The following ARHGAP36 variants were observed in gnomAD, a reference collection of about 807,000 sequenced individuals.
ARHGAP36 encodes the protein rho GTPase-activating protein 36.
A neutral mutation model predicts 32.9 loss-of-function variants in ARHGAP36; 7 were observed. That is an observed-to-expected ratio of 0.21 (90% CI 0.12 to 0.40). The LOEUF (loss-of-function observed/expected upper bound fraction) is 0.40. Among genes scored for constraint, ARHGAP36 ranks in the 10% least tolerant of loss-of-function variants. The pLI, the probability that ARHGAP36 is intolerant of heterozygous loss-of-function variation, is 1.00. For missense variants in ARHGAP36, 383 were observed against 442.2 expected, an observed-to-expected ratio of 0.87 and a Z score of 1.20; for synonymous variants, 165 against 168.3, an observed-to-expected ratio of 0.98 and a Z score of 0.15.
At position 131,086,090 on chromosome X, in the gene ARHGAP36, G is replaced by A. The variant is rs1256179828; in HGVS notation, c.1281+1G>A. 8.3e-7 allele frequency: 1 copy of A among 1,209,674 alleles called. No homozygotes were observed. On this transcript the variant is annotated splice_donor_variant, in intron 9 of 11. Transcript: ENST00000276211. LOFTEE classifies it high-confidence loss of function. ...TGATAACTGGGATGTCCTCTTCCAG[G>A]TAGGTGCAAGTTTTGGATGCACTTG...
intron 1 of ARHGAP36, among the ~76,000 whole-genome samples, chrX:131,079,808 C>T (rs1296293793): frequency 9.0e-6 from 1 of 111,336 alleles, no homozygotes; most frequent in Non-Finnish European, 1.9e-5. Flanking sequence ...TCTTCTCTAT[C>T]AGGAACCAGC....
chrX:131,066,577 T>C (rs1267820679), intron 1 of ARHGAP36, among the ~76,000 whole-genome samples: 1 of 112,001 alleles, frequency 8.9e-6, no homozygotes, highest in Non-Finnish European at 1.9e-5. Context: ...TGATGAGTAC[T>C]CTTGGTGCTG....
At chrX:131,083,353 C>A in intron 3 of ARHGAP36, 123 bp downstream of exon 3, 1 of 697,297 alleles carries the variant, frequency 1.4e-6, no homozygotes, top group South Asian at 2.8e-5. Context: ...CCTCAGCTCC[C>A]AAACCCCACA....
At chrX:131,067,443 C>T (rs1363519339) in intron 1 of ARHGAP36, among the ~76,000 whole-genome samples, 1 of 113,289 alleles carries the variant, frequency 8.8e-6, no homozygotes, top group Non-Finnish European at 1.9e-5. Context: ...TCACACCCTG[C>T]CCCAGCGGGC....
intron 3 of ARHGAP36, 36 bp downstream of exon 3, chrX:131,083,266 T>C (rs200077560): frequency 2.2e-4 from 255 of 1,166,685 alleles, no homozygotes; most frequent in Non-Finnish European, 4.2e-5. Flanking sequence ...AGAAAAGAAA[T>C]AGAATGCTAA....
rs758439211 is a variant in ARHGAP36 at position 131,086,661 on chromosome X, T to C, written c.1482T>C (p.Asp494=). ...TCCTTGCTCAAAGCAAGCCTTCTGA[T>C]GAAGGTCAGTTCCCTGCTGGAGGTC... ...AAVLAQSKPS[D]EGSSEEPAVP... Residue 494 remains aspartate, a synonymous_variant, in exon 11 of 12, where the codon GAT becomes GAC. Coordinates refer to ENST00000276211, the MANE Select transcript of ARHGAP36 (RefSeq NM_144967.4). 8.3e-7 allele frequency: 1 copy of C among 1,210,097 alleles called. No individual in the cohort carries two copies. Among genetic ancestry groups the C allele is most frequent in the South Asian group, 1.8e-5 (1 of 56,889 alleles).
Position 131,081,533 on chromosome X carries a change from C to G in ARHGAP36, c.-133C>G, listed in dbSNP as rs1467108253. 4 of 1,067,189 alleles carry G rather than the reference C, an allele frequency of 3.7e-6. No homozygotes were observed. The highest frequency in any genetic ancestry group is 1.9e-5 in the African/African-American group (1 of 51,526). The allele number at this position is 1,067,189 out of a possible 1,213,427, so 87.9% of individuals were successfully genotyped here. A position where few individuals can be genotyped will look rare whatever the true frequency, so the allele number is the denominator to read the frequency against. On this transcript the variant is annotated 5_prime_UTR_variant, in exon 2 of 12. Transcript: ENST00000276211. ...TTTTTTTCTTTTTTAGCAAAAACAA[C>G]CAGAGGCTGCTCTGCTTGAGGGTGA...
intron 1 of ARHGAP36, among the ~76,000 whole-genome samples, chrX:131,074,552 A>G (rs1163569392): frequency 8.9e-6 from 1 of 111,921 alleles, no homozygotes; most frequent in East Asian, 2.8e-4. Context: ...CTAAAAACTT[A>G]TAGCTGACTA....
At position 131,084,129 on chromosome X, in the gene ARHGAP36, C is replaced by T. The variant is rs894576302; in HGVS notation, c.556-86C>T. On this transcript the variant is annotated intron_variant, in intron 4 of 11. Transcript: ENST00000276211. The stretch of plus-strand genomic sequence containing the variant: ...TTGCCACAAAGGGAATGTATCTTGT[C>T]CTGAATGTCATACATACAGTACTCA... 6.6e-6 allele frequency: 7 copies of T among 1,058,414 alleles called. No individual in the cohort carries two copies. In the African/African-American group the frequency reaches 1.3e-4, roughly 20 times the overall value. The allele number at this position is 1,058,414 out of a possible 1,213,427, so 87.2% of individuals were successfully genotyped here.
rs375021065 is a variant in ARHGAP36 at position 131,081,747 on chromosome X, T to C, written c.82T>C (p.Phe28Leu). ...IMPPLLLLSA[F>L]IFLVSVLGGA... is the part of the protein sequence containing the mutation. ...GCCCCCTTTGCTGTTGTTGTCCGCC[T>C]TCATTTTTTTAGTGAGTGTCTTGGG... is the stretch of plus-strand genomic sequence containing the variant. Residue 28 changes from phenylalanine (F) to leucine (L), a missense_variant, in exon 2 of 12, where the codon TTC becomes CTC. By Grantham distance (22) the Phe-to-Leu change is conservative. Around this residue, in one of 2 missense-constraint regions of ARHGAP36, gnomAD observed 156 missense variants for 131.0 expected, o/e 1.19. Coordinates refer to ENST00000276211, the MANE Select transcript of ARHGAP36 (RefSeq NM_144967.4). The C allele has an allele frequency of 1.2e-4, 148 of 1,210,236 alleles. 1 individual carries two copies. Among genetic ancestry groups the C allele is most frequent in the South Asian group, 1.6e-4 (9 of 56,769 alleles).
chrX:131,075,276 T>C (rs139970292), intron 1 of ARHGAP36, among the ~76,000 whole-genome samples: 16 of 111,846 alleles, frequency 1.4e-4, no homozygotes, highest in African/African-American at 5.2e-4. Flanking sequence ...TTTTGTAAGG[T>C]CATGGATCTG....
At chrX:131,059,050 C>G (rs921580169) in intron 1 of ARHGAP36, among the ~76,000 whole-genome samples, 3 of 111,864 alleles carry the variant, frequency 2.7e-5, no homozygotes, top group Non-Finnish European at 3.8e-5. Flanking sequence ...CCCAGACTGC[C>G]CAGTAGTGGA....
At chrX:131,075,719 A>C (rs1446926370) in intron 1 of ARHGAP36, among the ~76,000 whole-genome samples, 2 of 109,456 alleles carry the variant, frequency 1.8e-5, no homozygotes, top group Non-Finnish European at 3.8e-5. Context: ...TATAAAAATA[A>C]TACCTCAAAA....
At chrX:131,068,587 C>A (rs911657129) in intron 1 of ARHGAP36, among the ~76,000 whole-genome samples, 1 of 109,247 alleles carries the variant, frequency 9.2e-6, no homozygotes, top group Non-Finnish European at 1.9e-5. Context: ...CAGTACCCTC[C>A]CCCTGGCCCT....
chrX:131,066,997 A>G (rs1325997765), intron 1 of ARHGAP36, among the ~76,000 whole-genome samples: 4 of 112,160 alleles, frequency 3.6e-5, no homozygotes, highest in African/African-American at 1.3e-4. Context: ...CAGAGTTTAA[A>G]AAGGGAAAGA....
At chrX:131,085,133 A>T in intron 7 of ARHGAP36, 69 bp downstream of exon 7, 19 of 1,103,547 alleles carry the variant, frequency 1.7e-5, no homozygotes, top group Non-Finnish European at 2.3e-5. Context: ...GGTTCTAGGG[A>T]CAGAGCTCAG....
Position 131,081,604 on chromosome X carries a change from T to C in ARHGAP36, c.-62T>C. 1 of 855,790 alleles carries C rather than the reference T, an allele frequency of 1.2e-6. No individual in the cohort carries two copies. 70.5% of individuals were successfully genotyped at this position (855,790 alleles called of 1,213,427 possible). On this transcript the variant is annotated 5_prime_UTR_variant, in exon 2 of 12. Coordinates refer to ENST00000276211, the MANE Select transcript of ARHGAP36 (RefSeq NM_144967.4). ...TCCCCCTCTACCCCCACCCCCATAG[T>C]TCTCTCCACCAGGTCCAGTGACAAT...
Position 131,081,586 on chromosome X carries a change from C to CT in ARHGAP36, c.-79dup. On this transcript the variant is annotated 5_prime_UTR_variant, in exon 2 of 12. Coordinates refer to ENST00000276211, the MANE Select transcript of ARHGAP36 (RefSeq NM_144967.4). ...CCGCCTCCCAGTTTTCCCTCCCCCT[C>CT]TACCCCCACCCCCATAGTTCTCTCC... is the stretch of plus-strand genomic sequence containing the variant. 2 of 962,355 alleles carry CT rather than the reference C, an allele frequency of 2.1e-6. No individual in the cohort carries two copies. Among genetic ancestry groups the CT allele is most frequent in the Non-Finnish European group, 2.7e-6 (2 of 734,893 alleles). The allele number at this position is 962,355 out of a possible 1,213,427, so 79.3% of individuals were successfully genotyped here. A position where few individuals can be genotyped will look rare whatever the true frequency, so the allele number is the denominator to read the frequency against.
chrX:131,063,871 G>A (rs1347577928), intron 1 of ARHGAP36, among the ~76,000 whole-genome samples: 3 of 111,336 alleles, frequency 2.7e-5, no homozygotes, highest in African/African-American at 9.8e-5. Context: ...CACTTCACTA[G>A]TTTTGGCAAA....
Sources: allele counts gnomAD v4.1 joint callset (sites outside exome capture counted in the v4.1 genomes callset), GRCh38; gene constraint gnomAD v4.1.1; regional missense constraint gnomAD v4.1.1; transcripts MANE v1.5; gene names NCBI Gene and HGNC (gene_info 2026-07-23, HGNC 2026-07-21).